The following EPHA6 variants were observed in gnomAD, a reference collection of about 807,000 sequenced individuals.
EPHA6 encodes EPH receptor A6.
In EPHA6, 50 loss-of-function variants were observed where a neutral mutation model predicts 112.0. The ratio of observed to expected loss-of-function variants is 0.45; its 90% CI spans 0.36 to 0.56. The LOEUF is 0.56. Among genes scored for constraint, EPHA6 ranks in the 20% least tolerant of loss-of-function variants. The probability of loss-of-function intolerance (pLI) is 0.00; values close to 1 mark genes in which losing one functional copy is unlikely to be tolerated. For synonymous variants in EPHA6, 529 were observed against 490.7 expected, an observed-to-expected ratio of 1.08 and a Z score of -1.03; for missense variants, 1,280 against 1,417.4, an observed-to-expected ratio of 0.90 and a Z score of 1.56.
chr3:97,262,635 G>A (rs1391867326), intron 5 of EPHA6, among the ~76,000 whole-genome samples: 4 of 152,074 alleles, frequency 2.6e-5, no homozygotes, highest in East Asian at 3.9e-4. Flanking sequence ...GCTCAAAGTC[G>A]TGCTTTGCAA....
chr3:97,590,139 T>C (rs1017296995), intron 11 of EPHA6: 2 of 152,182 alleles, frequency 1.3e-5, no homozygotes, highest in African/African-American at 2.4e-5. Flanking sequence ...TGATAAGGCA[T>C]TACTATCACG....
At chr3:97,279,642 T>A (rs1259075246) in intron 5 of EPHA6, among the ~76,000 whole-genome samples, 1 of 152,108 alleles carries the variant, frequency 6.6e-6, no homozygotes, top group Non-Finnish European at 1.5e-5. Flanking sequence ...AGAGAATCAA[T>A]CAAACCTGGT....
At position 96,914,310 on chromosome 3, in the gene EPHA6, A is replaced by G. The variant is rs9860137; in HGVS notation, c.450+47421A>G. Among the ~76,000 whole-genome samples, 669 of 152,212 alleles carry G rather than the reference A, an allele frequency of 4.4e-3. 6 individuals are homozygous for G. The highest frequency in any genetic ancestry group is 0.016 in the African/African-American group (644 of 41,518). On this transcript the variant is annotated intron_variant, in intron 2 of 17. Transcript: ENST00000389672. The stretch of plus-strand genomic sequence containing the variant: ...AATTGTCTTGATTAATGACAAGTGA[A>G]TGCTTATTTGGTAAAGTTTTAAGTC...
intron 3 of EPHA6, among the ~76,000 whole-genome samples, chr3:96,995,971 G>C (rs1337988747): frequency 2.0e-5 from 3 of 152,082 alleles, no homozygotes; most frequent in African/African-American, 7.2e-5. Context: ...TAGCATGCTA[G>C]GTGTTTAATA....
intron 3 of EPHA6, among the ~76,000 whole-genome samples, chr3:97,100,148 T>G (rs9814129): frequency 0.21 from 31,878 of 151,488 alleles, 4,764 homozygotes; most frequent in African/African-American, 0.4. Context: ...GAAGCTGTTC[T>G]TCACTTCAAA....
chr3:96,848,627 T>A (rs2035215537), intron 1 of EPHA6, among the ~76,000 whole-genome samples: 1 of 151,784 alleles, frequency 6.6e-6, no homozygotes, highest in Non-Finnish European at 1.5e-5. Flanking sequence ...TCCGTCTATT[T>A]AAAAAAAATT....
chr3:97,692,526 G>A (rs1418516900), intron 14 of EPHA6, among the ~76,000 whole-genome samples: 5 of 152,068 alleles, frequency 3.3e-5, no homozygotes, highest in Non-Finnish European at 7.4e-5. Flanking sequence ...TGAACCAATT[G>A]ACCCTTCAGC....
chr3:97,375,601 A>T (rs1211355718), intron 5 of EPHA6, among the ~76,000 whole-genome samples: 1 of 152,198 alleles, frequency 6.6e-6, no homozygotes, highest in South Asian at 2.1e-4. Flanking sequence ...GTCAGTGCAT[A>T]TCCTTGGCAA....
At chr3:96,994,078 T>C in intron 3 of EPHA6, 1 of 210,228 alleles carries the variant, frequency 4.8e-6, no homozygotes, top group South Asian at 1.6e-4. Context: ...CATAATATTG[T>C]TAAGGCTTAC....
intron 7 of EPHA6, among the ~76,000 whole-genome samples, chr3:97,451,856 T>A (rs981111965): frequency 1.3e-5 from 2 of 151,914 alleles, no homozygotes; most frequent in Admixed American, 1.3e-4. Flanking sequence ...TTAAGTTCTC[T>A]CTTGTGTATT....
At chr3:97,519,296 C>T (rs1041735038) in intron 10 of EPHA6, among the ~76,000 whole-genome samples, 5 of 152,110 alleles carry the variant, frequency 3.3e-5, no homozygotes, top group African/African-American at 7.2e-5. Context: ...GTCAAAACTC[C>T]GTCAGCTGTA....
chr3:97,610,699 A>G (rs1337237423), intron 12 of EPHA6, 94 bp from the exon 13 acceptor site: 1 of 959,568 alleles, frequency 1.0e-6, no homozygotes, highest in African/African-American at 1.7e-5. Flanking sequence ...AATAAAATAC[A>G]AATAATTTAG....
At position 96,882,647 on chromosome 3, in the gene EPHA6, T is replaced by A. The variant is rs1393733114; in HGVS notation, c.450+15758T>A. On this transcript the variant is annotated intron_variant, in intron 2 of 17. Coordinates refer to ENST00000389672, the MANE Select transcript of EPHA6 (RefSeq NM_001080448.3). Reference sequence around the variant, plus strand: ...CATTCCTGCATTACTTCACTTAGAATAATAGTCTCCAGTCTCATCCAGGTC... The same window carrying A: ...CATTCCTGCATTACTTCACTTAGAAAAATAGTCTCCAGTCTCATCCAGGTC... 1.3e-5 allele frequency among the ~76,000 whole-genome samples: 2 copies of A among 152,160 alleles called. 1 individual carries two copies. The highest frequency in any genetic ancestry group is 3.9e-4 in the East Asian group (2 of 5,194).
chr3:97,480,760 G>A (rs1364846263), intron 9 of EPHA6, among the ~76,000 whole-genome samples: 4 of 152,220 alleles, frequency 2.6e-5, no homozygotes, highest in East Asian at 1.9e-4. Flanking sequence ...CCTCCCAGAC[G>A]GGGTGGCGGC....
chr3:97,698,151 C>T (rs149739057), intron 14 of EPHA6, among the ~76,000 whole-genome samples: 130 of 152,194 alleles, frequency 8.5e-4, no homozygotes, highest in Middle Eastern at 6.8e-3. Context: ...TAGAGGCATG[C>T]ACCACCATGC....
In EPHA6 at chr3:97,578,524, G is replaced by A. The variant is rs76376504; in HGVS notation, c.2387-14088G>A. ...AGCCATATGGCCCTTAACGACAGGG[G>A]TTTTGAAACTGGGATGAAAGAAACA... On this transcript the variant is annotated intron_variant, in intron 11 of 17. Transcript: ENST00000389672. Among the ~76,000 whole-genome samples the A allele has an allele frequency of 8.5e-3, 1,300 of 152,262 alleles. 24 individuals carry two copies. The highest frequency in any genetic ancestry group is 0.029 in the African/African-American group (1,201 of 41,538).
At chr3:97,010,799 A>AG (rs1320216712) in intron 3 of EPHA6, among the ~76,000 whole-genome samples, 2 of 152,210 alleles carry the variant, frequency 1.3e-5, no homozygotes, top group African/African-American at 4.8e-5. Flanking sequence ...CTGGGACTAC[A>AG]GGCACATGCC....
rs73134979 is a variant in EPHA6 at position 97,708,988 on chromosome 3, G to A, written c.2785-11273G>A. ...ATGTCCAGGCAGAAGTCTGTTGCAG[G>A]AGCAGAGCCTTCATGGAGAACCTCT... On this transcript the variant is annotated intron_variant, in intron 14 of 17. Coordinates refer to ENST00000389672, the MANE Select transcript of EPHA6 (RefSeq NM_001080448.3). Among the ~76,000 whole-genome samples, 740 of 152,288 alleles carry A rather than the reference G, an allele frequency of 4.9e-3. 3 individuals carry two copies. Among genetic ancestry groups the A allele is most frequent in the Non-Finnish European group, 8.5e-3 (578 of 68,004 alleles).
intron 16 of EPHA6, among the ~76,000 whole-genome samples, chr3:97,741,174 C>A (rs1410601325): frequency 6.6e-6 from 1 of 151,680 alleles, no homozygotes; most frequent in Non-Finnish European, 1.5e-5. Flanking sequence ...AAAGTGAGAC[C>A]CCATCTCTAC....
Sources: allele counts gnomAD v4.1 joint callset (sites outside exome capture counted in the v4.1 genomes callset), GRCh38; gene constraint gnomAD v4.1.1; transcripts MANE v1.5; gene names NCBI Gene and HGNC (gene_info 2026-07-23, HGNC 2026-07-21).